Variants in PKNOX2 observed in about 807,000 individuals in gnomAD.
PKNOX2 encodes homeobox protein PKNOX2.
Under a neutral mutation model 53.1 loss-of-function variants are expected in PKNOX2, and 14 were observed. The ratio of observed to expected loss-of-function variants is 0.26; its 90% CI spans 0.17 to 0.41. PKNOX2 has a LOEUF of 0.41. PKNOX2 is among the 10% of genes least tolerant of loss of function. PKNOX2 has a pLI of 1.00. For synonymous variants in PKNOX2, 257 were observed against 242.8 expected (o/e 1.06, Z -0.54); for missense variants, 496 against 602.8 (o/e 0.82, Z 1.85).
chr11:125,326,353 A>AC (rs1302582379), intron 2 of PKNOX2, among the ~76,000 whole-genome samples: 162 of 152,322 alleles, frequency 1.1e-3, no homozygotes, highest in African/African-American at 3.8e-3. Flanking sequence ...GGGAACTCAC[A>AC]CAGGGGGTGT....
intron 2 of PKNOX2, among the ~76,000 whole-genome samples, chr11:125,254,941 TCACTTTACG>T (rs1944301032): frequency 6.6e-6 from 1 of 152,034 alleles, no homozygotes; most frequent in African/African-American, 2.4e-5. Context: ...AAGTGGAAAA[TCACTTTACG>T]CACTTCTTAA....
At chr11:125,429,916 G>A in intron 11 of PKNOX2, 47 bp from the exon 12 acceptor site, 1 of 1,577,074 alleles carries the variant, frequency 6.3e-7, no homozygotes, top group Non-Finnish European at 8.6e-7. Flanking sequence ...CCACCCCAAG[G>A]CCATGCAGGT....
intron 1 of PKNOX2, among the ~76,000 whole-genome samples, chr11:125,227,173 G>T (rs1026496879): frequency 6.6e-6 from 1 of 152,114 alleles, no homozygotes; most frequent in Non-Finnish European, 1.5e-5. Flanking sequence ...AGCTCTCAAT[G>T]ACACCCTGCG....
At chr11:125,221,929 T>C (rs1179907515) in intron 1 of PKNOX2, among the ~76,000 whole-genome samples, 1 of 152,216 alleles carries the variant, frequency 6.6e-6, no homozygotes, top group Non-Finnish European at 1.5e-5. Flanking sequence ...TGCTGTCGCC[T>C]GGTTGCGTAC....
intron 1 of PKNOX2, among the ~76,000 whole-genome samples, chr11:125,183,036 C>T (rs986168993): frequency 1.3e-5 from 2 of 152,120 alleles, no homozygotes; most frequent in Non-Finnish European, 2.9e-5. Context: ...AAATGAGGAC[C>T]TTGACGCCCA....
At chr11:125,297,608 A>T (rs1048045474) in intron 2 of PKNOX2, among the ~76,000 whole-genome samples, 6 of 152,158 alleles carry the variant, frequency 3.9e-5, no homozygotes, top group Non-Finnish European at 7.3e-5. Context: ...TCCTGGAAGG[A>T]TGAAGACTAA....
chr11:125,418,970 G>C (rs1956030513), intron 10 of PKNOX2, among the ~76,000 whole-genome samples: 1 of 151,940 alleles, frequency 6.6e-6, no homozygotes, highest in Non-Finnish European at 1.5e-5. Flanking sequence ...TTATATCAGG[G>C]ACTTGAGCAT....
At chr11:125,319,848 G>A (rs1406936016) in intron 2 of PKNOX2, among the ~76,000 whole-genome samples, 1 of 152,188 alleles carries the variant, frequency 6.6e-6, no homozygotes, top group Non-Finnish European at 1.5e-5. Context: ...AGCATGGCTT[G>A]TTTGAGGGCA....
At chr11:125,365,058 G>C (rs147806392) in intron 4 of PKNOX2, among the ~76,000 whole-genome samples, 3 of 152,184 alleles carry the variant, frequency 2.0e-5, no homozygotes, top group African/African-American at 7.2e-5. Flanking sequence ...CAAATGCATT[G>C]CTTGTAGTTT....
At chr11:125,369,923 A>AT (rs1952434919) in intron 5 of PKNOX2, among the ~76,000 whole-genome samples, 1 of 152,108 alleles carries the variant, frequency 6.6e-6, no homozygotes, top group Non-Finnish European at 1.5e-5. Flanking sequence ...GCATCGTATC[A>AT]CCTGGGAGCA....
At chr11:125,319,811 T>C (rs986524471) in intron 2 of PKNOX2, among the ~76,000 whole-genome samples, 7 of 152,212 alleles carry the variant, frequency 4.6e-5, no homozygotes, top group Admixed American at 6.5e-5. Context: ...CATGGGTAGC[T>C]TGTGCAAAGG....
intron 1 of PKNOX2, among the ~76,000 whole-genome samples, chr11:125,212,917 G>C (rs746212324): frequency 6.6e-6 from 1 of 151,954 alleles, no homozygotes; most frequent in South Asian, 2.1e-4. Context: ...AGACTTCAAC[G>C]GGTTCCATGT....
chr11:125,354,939 G>C (rs976494050), intron 4 of PKNOX2, among the ~76,000 whole-genome samples: 3 of 152,178 alleles, frequency 2.0e-5, no homozygotes, highest in East Asian at 3.9e-4. Flanking sequence ...ACTCTCTGTT[G>C]ATTGTGCACT....
At chr11:125,170,454 T>C (rs1955204673) in intron 1 of PKNOX2, among the ~76,000 whole-genome samples, 1 of 152,078 alleles carries the variant, frequency 6.6e-6, no homozygotes, top group Non-Finnish European at 1.5e-5. Flanking sequence ...GAGGGCACAG[T>C]CTTTCTACCT....
rs180869880 is a variant in PKNOX2 at position 125,164,895 on chromosome 11, G to C, written c.-201+119G>C. The C allele has an allele frequency of 4.3e-3, 679 of 158,916 alleles. 1 individual carries two copies. Among genetic ancestry groups the C allele is most frequent in the Middle Eastern group, 9.1e-3 (3 of 330 alleles). The allele number at this position is 158,916 out of a possible 1,614,324, so 9.8% of individuals were successfully genotyped here. ...GCGTGTGTTTTATTCCAGTCCCCAAGCCAGAGTATTATTCATTGCGACAGG... is the reference window on the plus strand; with the variant it reads ...GCGTGTGTTTTATTCCAGTCCCCAACCCAGAGTATTATTCATTGCGACAGG... On this transcript the variant is annotated intron_variant, in intron 1 of 12. Coordinates refer to ENST00000298282, the MANE Select transcript of PKNOX2 (RefSeq NM_001382323.2).
chr11:125,312,433 C>T (rs184058973), intron 2 of PKNOX2, among the ~76,000 whole-genome samples: 36 of 152,340 alleles, frequency 2.4e-4, no homozygotes, highest in African/African-American at 6.7e-4. Flanking sequence ...ACTTCAAAGC[C>T]GTCTGAGTTC....
intron 1 of PKNOX2, among the ~76,000 whole-genome samples, chr11:125,229,228 A>C (rs974451370): frequency 6.6e-6 from 1 of 152,192 alleles, no homozygotes; most frequent in Non-Finnish European, 1.5e-5. Context: ...CTCAGCAGGC[A>C]GCATGAGTCA....
intron 6 of PKNOX2, among the ~76,000 whole-genome samples, chr11:125,393,377 A>C (rs1954195658): frequency 6.6e-6 from 1 of 152,166 alleles, no homozygotes; most frequent in African/African-American, 2.4e-5. Flanking sequence ...TTTTGATTGA[A>C]TATAAGGAAA....
chr11:125,220,822 G>A (rs1387565496), intron 1 of PKNOX2, among the ~76,000 whole-genome samples: 1 of 152,194 alleles, frequency 6.6e-6, no homozygotes, highest in Non-Finnish European at 1.5e-5. Context: ...GGCCCAACCA[G>A]TAGACACAAC....
Sources: allele counts gnomAD v4.1 joint callset (sites outside exome capture counted in the v4.1 genomes callset), GRCh38; gene constraint gnomAD v4.1.1; transcripts MANE v1.5; gene names NCBI Gene and HGNC (gene_info 2026-07-23, HGNC 2026-07-21).